AMDHD2: variants seen among roughly 807,000 people sequenced by gnomAD.
AMDHD2 encodes N-acetylglucosamine-6-phosphate deacetylase.
A neutral mutation model predicts 41.8 loss-of-function variants in AMDHD2; 24 were observed. The ratio of observed to expected loss-of-function variants is 0.57; its 90% CI spans 0.42 to 0.81. The LOEUF (loss-of-function observed/expected upper bound fraction) is 0.81, where lower values mean the gene tolerates loss of function less well. Ranked by LOEUF, AMDHD2 falls within the 30% of genes least tolerant of loss-of-function variation. The pLI, the probability that AMDHD2 is intolerant of heterozygous loss-of-function variation, is 0.00. For missense variants in AMDHD2, 540 were observed against 588.5 expected, an observed-to-expected ratio of 0.92 and a Z score of 0.85; for synonymous variants, 332 against 255.5, an observed-to-expected ratio of 1.30 and a Z score of -2.85.
chr16:2,526,807 G>A (rs1345745414), intron 3 of AMDHD2, among the ~76,000 whole-genome samples: 1 of 152,146 alleles, frequency 6.6e-6, no homozygotes, highest in Non-Finnish European at 1.5e-5. Context: ...GTGCACGCCT[G>A]TAATCCCAGC....
At chr16:2,526,035 G>A (rs1311589965) in intron 3 of AMDHD2, among the ~76,000 whole-genome samples, 1 of 152,170 alleles carries the variant, frequency 6.6e-6, no homozygotes, top group Admixed American at 6.5e-5. Context: ...ACCTCTTATT[G>A]GCTGGAGGGT....
At chr16:2,520,955 A>G (rs779878944) in intron 2 of AMDHD2, 29 bp from the exon 3 acceptor site, 27 of 1,597,068 alleles carry the variant, frequency 1.7e-5, no homozygotes, top group Admixed American at 1.7e-5. Context: ...TCTGAGCTCC[A>G]TGCGACACTT....
Position 2,528,080 on chromosome 16 carries a change from C to A in AMDHD2, c.649C>A (p.Arg217=), listed in dbSNP as rs762191078. Residue 217 remains arginine (R), a synonymous_variant, in exon 6 of 11, where the codon CGG becomes AGG. Transcript: ENST00000293971. The part of the protein sequence containing the change: ...VSLGHSVADL[R]AAEDAVWSGA... Reference sequence around the variant, plus strand: ...CGCAGGGCACTCAGTGGCTGACCTGCGGGCGGCAGAGGATGCTGTGTGGAG... The same window carrying A: ...CGCAGGGCACTCAGTGGCTGACCTGAGGGCGGCAGAGGATGCTGTGTGGAG... The A allele has an allele frequency of 6.2e-7, 1 of 1,613,046 alleles. No individual in the cohort carries two copies. Among genetic ancestry groups the A allele is most frequent in the Non-Finnish European group, 8.5e-7 (1 of 1,179,878 alleles).
chr16:2,529,446 C>T (rs1187234614), intron 10 of AMDHD2, 29 bp from the exon 11 acceptor site: 11 of 1,606,638 alleles, frequency 6.8e-6, no homozygotes, highest in Admixed American at 1.7e-5. Flanking sequence ...CCACTCCTGC[C>T]CCCTACTCAT....
In AMDHD2 at chr16:2,530,323, G is replaced by T. The variant is rs771989531; in HGVS notation, c.*760G>T. 2 of 1,614,114 alleles carry T rather than the reference G, an allele frequency of 1.2e-6. No individual in the cohort carries two copies. The highest frequency in any genetic ancestry group is 2.2e-5 in the South Asian group (2 of 91,076). ...AGGGCAGTATGGGAGGCACCAGTGT[G>T]CCCTGCTCACCCCATTAGTGTCATC... On this transcript the variant is annotated 3_prime_UTR_variant, in exon 11 of 11. Coordinates refer to ENST00000293971, the MANE Select transcript of AMDHD2 (RefSeq NM_001330449.2).
intron 10 of AMDHD2, 155 bp from the exon 11 acceptor site, chr16:2,529,320 G>C: frequency 7.8e-7 from 1 of 1,275,714 alleles, no homozygotes; most frequent in Non-Finnish European, 1.1e-6. Flanking sequence ...GCATTGTCCA[G>C]TACCTCTGTC....
At position 2,530,495 on chromosome 16, in the gene AMDHD2, T is replaced by C. The variant is rs752734406; in HGVS notation, c.*932T>C. The stretch of plus-strand genomic sequence containing the variant: ...CCACAGTGGGGTCAGACGTCAGGGA[T>C]TGGTGCAGCCCCACGTCAGGGGTGA... On this transcript the variant is annotated 3_prime_UTR_variant, in exon 11 of 11. Coordinates refer to ENST00000293971, the MANE Select transcript of AMDHD2 (RefSeq NM_001330449.2). 1.3e-5 allele frequency: 21 copies of C among 1,614,072 alleles called. No homozygotes were observed. In the African/African-American group the frequency reaches 1.6e-4, roughly 12 times the overall value.
At position 2,528,697 on chromosome 16, in the gene AMDHD2, C is replaced by T. The variant is rs1357087856; in HGVS notation, c.1018C>T (p.Arg340Trp). ...CATAGCCCCAATGGACGTCTGTGTC[C>T]GGCACTTCCTGCAGGCCACAGGTCA... is the stretch of plus-strand genomic sequence containing the variant. Reference protein sequence around the residue: ...GSIAPMDVCVRHFLQATGCSM... With the variant: ...GSIAPMDVCVWHFLQATGCSM... The change falls in exon 9 of 11, where the codon CGG (arginine) becomes TGG (tryptophan). Residue 340 changes from arginine (R) to tryptophan (W), a missense_variant. By Grantham distance (101) the Arg-to-Trp change is moderately radical. Transcript: ENST00000293971. The T allele has an allele frequency of 2.5e-6, 4 of 1,612,602 alleles. No individual in the cohort carries two copies. Among genetic ancestry groups the T allele is most frequent in the African/African-American group, 1.3e-5 (1 of 74,950 alleles).
rs9921425 is a variant in AMDHD2, at chr16:2,529,187, G to A, written c.1141+92G>A. 5,228 of 1,259,946 alleles carry A rather than the reference G, an allele frequency of 4.1e-3. 161 individuals are homozygous for A. In the African/African-American group the frequency reaches 0.067, roughly 16 times the overall value. The allele number at this position is 1,259,946 out of a possible 1,614,324, so 78.0% of individuals were successfully genotyped here. On this transcript the variant is annotated intron_variant, in intron 10 of 10. Coordinates refer to ENST00000293971, the MANE Select transcript of AMDHD2 (RefSeq NM_001330449.2). ...GGCCTGGACAGGGCCAGGGAGGGTG[G>A]GTCCTCCCTAGCTCCCTCCTCTCAG... is the stretch of plus-strand genomic sequence containing the variant.
Position 2,531,149 on chromosome 16 carries a change from C to G in AMDHD2, c.*1586C>G. On this transcript the variant is annotated 3_prime_UTR_variant, in exon 11 of 11. Coordinates refer to ENST00000293971, the MANE Select transcript of AMDHD2 (RefSeq NM_001330449.2). ...GACGCCCAGTCCAGAGCTGGTGAGC[C>G]CTGGGCCAGCCTTTGGGCCTGGCCT... The G allele has an allele frequency of 6.6e-7, 1 of 1,507,046 alleles. No individual in the cohort carries two copies. The highest frequency in any genetic ancestry group is 2.1e-5 in the Admixed American group (1 of 46,952). The allele number at this position is 1,507,046 out of a possible 1,614,324, so 93.4% of individuals were successfully genotyped here.
At position 2,520,473 on chromosome 16, in the gene AMDHD2, G is replaced by C; in HGVS notation, c.15G>C (p.Gln5His). The C allele has an allele frequency of 1.6e-6, 2 of 1,237,562 alleles. No homozygotes were observed. Among genetic ancestry groups the C allele is most frequent in the Non-Finnish European group, 2.0e-6 (2 of 984,366 alleles). The allele number at this position is 1,237,562 out of a possible 1,614,324, so 76.7% of individuals were successfully genotyped here. The change falls in exon 1 of 11, where the codon CAG becomes CAC. Residue 5 changes from glutamine (Q) to histidine (H), a missense_variant. Coordinates refer to ENST00000293971, the MANE Select transcript of AMDHD2 (RefSeq NM_001330449.2). ...CACGGCTCACGATGCGCGGCGAGCAGGGCGCGGCGGGGGCCCGCGTGCTCC... is the reference window on the plus strand; with the variant it reads ...CACGGCTCACGATGCGCGGCGAGCACGGCGCGGCGGGGGCCCGCGTGCTCC... MRGE[Q>H]GAAGARVLQF...
intron 1 of AMDHD2, 51 bp from the exon 2 acceptor site, chr16:2,520,718 C>A (rs1247441602): frequency 2.0e-6 from 3 of 1,475,452 alleles, no homozygotes; most frequent in Non-Finnish European, 2.7e-6. Context: ...GTGCAGGGTG[C>A]GGGGCCGAGG....
rs538001685 is a variant in AMDHD2, at chr16:2,528,350, C to A, written c.832C>A (p.Leu278Met). Residue 278 changes from leucine to methionine, a missense_variant, in exon 7 of 11, where the codon CTG (leucine) becomes ATG (methionine). By Grantham distance (15) the Leu-to-Met change is conservative. Coordinates refer to ENST00000293971, the MANE Select transcript of AMDHD2 (RefSeq NM_001330449.2). ...ADGTHTNPAA[L>M]RIAHRAHPQG... ...TGGCACGCACACCAACCCCGCCGCC[C>A]TGCGGATCGCCCACCGTGCCCATCC... The A allele has an allele frequency of 6.2e-7, 1 of 1,612,886 alleles. No individual in the cohort carries two copies.
chr16:2,523,727 A>G (rs1465685875), intron 3 of AMDHD2, among the ~76,000 whole-genome samples: 1 of 152,100 alleles, frequency 6.6e-6, no homozygotes, highest in Non-Finnish European at 1.5e-5. Context: ...CCACCTGTCC[A>G]AGATTCAGGA....
Position 2,520,752 on chromosome 16 carries a change from A to G in AMDHD2, c.84-17A>G. ...GGTCAGGCCCGCGATGCGAGCGCCC[A>G]CCCACTGCGTCCCCAGGGAGGATCT... On this transcript the variant is annotated splice_polypyrimidine_tract_variant and intron_variant, in intron 1 of 10. Transcript: ENST00000293971. The G allele has an allele frequency of 1.3e-6, 2 of 1,555,820 alleles. No homozygotes were observed. The highest frequency in any genetic ancestry group is 1.7e-6 in the Non-Finnish European group (2 of 1,152,408).
intron 3 of AMDHD2, among the ~76,000 whole-genome samples, chr16:2,521,692 C>T (rs9921815): frequency 0.019 from 2,924 of 151,588 alleles, 97 homozygotes; most frequent in African/African-American, 0.066. Flanking sequence ...TACTACTATT[C>T]AGGCTCCTCT....
chr16:2,521,007 C>G lies in AMDHD2; in HGVS notation c.244C>G (p.Gln82Glu). Reference sequence around the variant, plus strand: ...AGGTGGATTTGGTGTTGACTTCTCTCAAGCCACGGAGGACGTGGGTTCGGG... The same window carrying G: ...AGGTGGATTTGGTGTTGACTTCTCTGAAGCCACGGAGGACGTGGGTTCGGG... ...INGGFGVDFS[Q>E]ATEDVGSGVA... The change falls in exon 3 of 11, where the codon CAA becomes GAA. Residue 82 changes from glutamine to glutamate, a missense_variant. By Grantham distance (29) the Gln-to-Glu change is conservative (BLOSUM62 2). Coordinates refer to ENST00000293971, the MANE Select transcript of AMDHD2 (RefSeq NM_001330449.2). 1 of 1,609,288 alleles carries G rather than the reference C, an allele frequency of 6.2e-7. No individual in the cohort carries two copies. Among genetic ancestry groups the G allele is most frequent in the Non-Finnish European group, 8.5e-7 (1 of 1,177,138 alleles).
chr16:2,524,108 C>T (rs560308886), intron 3 of AMDHD2, among the ~76,000 whole-genome samples: 140 of 152,382 alleles, frequency 9.2e-4, no homozygotes, highest in African/African-American at 3.2e-3. Context: ...TGGGAAGCCT[C>T]CTGCCTGGAT....
rs775874626 is a variant in AMDHD2, at chr16:2,527,931, C to T, written c.574C>T (p.Arg192Cys). The change falls in exon 5 of 11, where the codon CGT (arginine) becomes TGT (cysteine). Residue 192 changes from arginine to cysteine, a missense_variant. By Grantham distance (180) the Arg-to-Cys change is radical (BLOSUM62 -3). Coordinates refer to ENST00000293971, the MANE Select transcript of AMDHD2 (RefSeq NM_001330449.2). The surrounding 1 kb of genome is among the most constrained non-coding windows in gnomAD (Gnocchi z 6.1). Reference protein sequence around the residue: ...RIVTLAPELGRSHEVIRALTA... With the variant: ...RIVTLAPELGCSHEVIRALTA... The stretch of plus-strand genomic sequence containing the variant: ...CGTGACGCTGGCCCCAGAGTTGGGC[C>T]GTAGCCACGAAGTGATCCGGGCGCT... 9 of 1,598,470 alleles carry T rather than the reference C, an allele frequency of 5.6e-6. No individual in the cohort carries two copies. The highest frequency in any genetic ancestry group is 4.0e-5 in the African/African-American group (3 of 74,882).
Sources: gnomAD v4.1 joint callset for allele counts (sites outside exome capture counted in the v4.1 genomes callset) on GRCh38, gnomAD v4.1.1 for gene constraint, Gnocchi (gnomAD v3.1) non-coding constraint, MANE v1.5 for transcripts, NCBI Gene and HGNC (gene_info 2026-07-23, HGNC 2026-07-21) for gene names.